Variants in SYTL3 observed in about 807,000 individuals in gnomAD.
SYTL3 encodes synaptotagmin like 3.
SYTL3 carries 88 observed loss-of-function variants against 82.1 expected under a neutral mutation model. The ratio of observed to expected loss-of-function variants is 1.07; its 90% CI spans 0.90 to 1.28. The LOEUF is 1.28. Among genes scored for constraint, SYTL3 ranks in the 50% most tolerant of loss-of-function variants. The pLI, the probability that SYTL3 is intolerant of heterozygous loss-of-function variation, is 0.00. For missense variants in SYTL3, 831 were observed against 757.6 expected (o/e 1.10, Z -1.14); for synonymous variants, 311 against 289.4 (o/e 1.07, Z -0.76).
intron 17 of SYTL3, among the ~76,000 whole-genome samples, chr6:158,764,101 C>T (rs2128558176): frequency 6.6e-6 from 1 of 152,344 alleles, no homozygotes; most frequent in South Asian, 2.1e-4. Context: ...ATATTTTGTC[C>T]AAAGCATACT....
chr6:158,701,481 G>A (rs547975005), intron 6 of SYTL3, among the ~76,000 whole-genome samples: 5 of 69,690 alleles, frequency 7.2e-5, no homozygotes, highest in African/African-American at 3.0e-4. Flanking sequence ...GGACTGTCTG[G>A]GGGGAGGAGC....
At chr6:158,680,575 CA>C (rs71297002) in intron 5 of SYTL3, among the ~76,000 whole-genome samples, 115 of 78,256 alleles carry the variant, frequency 1.5e-3, no homozygotes, top group Non-Finnish European at 1.9e-3. Context: ...CCCGTCTCTA[CA>C]AAAAAAAAAA....
At chr6:158,760,807 A>T in intron 15 of SYTL3, 62 bp downstream of exon 15, 1 of 1,327,420 alleles carries the variant, frequency 7.5e-7, no homozygotes, top group Non-Finnish European at 1.1e-6. Flanking sequence ...CTGGTGCTGC[A>T]GGCAGACTGA....
chr6:158,689,360 T>A (rs187405443), intron 6 of SYTL3, among the ~76,000 whole-genome samples: 31 of 152,362 alleles, frequency 2.0e-4, no homozygotes, highest in African/African-American at 7.0e-4. Flanking sequence ...CGTTTTGATT[T>A]GAATTCATCT....
intron 11 of SYTL3, among the ~76,000 whole-genome samples, chr6:158,741,132 A>G: frequency 6.6e-6 from 1 of 152,184 alleles, no homozygotes. Flanking sequence ...CAGTGGTGCC[A>G]TCTCAGCTCA....
intron 13 of SYTL3, among the ~76,000 whole-genome samples, chr6:158,754,211 G>A (rs1679947042): frequency 1.3e-5 from 2 of 152,174 alleles, no homozygotes; most frequent in South Asian, 4.1e-4. Flanking sequence ...TTTCTGAGCA[G>A]AGTACTTCTT....
At position 158,693,855 on chromosome 6, in the gene SYTL3, C is replaced by CTTTTCTTT. The variant is rs71030191; in HGVS notation, c.394+10870_394+10871insCTTTTTTT. On this transcript the variant is annotated intron_variant, in intron 6 of 17. Transcript: ENST00000611299. The stretch of plus-strand genomic sequence containing the variant: ...TGCATCCAGCCTTTCTTTTTCTTTT[C>CTTTTCTTT]TTTTTTTTTTTTTTTTTTGTAGATA... Among the ~76,000 whole-genome samples, 6 of 96,864 alleles carry CTTTTCTTT rather than the reference C, an allele frequency of 6.2e-5. 1 individual carries two copies. Among genetic ancestry groups the CTTTTCTTT allele is most frequent in the African/African-American group, 2.2e-4 (4 of 18,588 alleles). 63.5% of individuals were successfully genotyped at this position (96,864 alleles called of 152,430 possible).
intron 15 of SYTL3, among the ~76,000 whole-genome samples, chr6:158,761,224 A>G (rs561493594): frequency 2.6e-5 from 4 of 151,996 alleles, no homozygotes; most frequent in Non-Finnish European, 4.4e-5. Flanking sequence ...TACTCCTTCA[A>G]TAACGTGGGG....
At chr6:158,684,452 G>A (rs140520781) in intron 6 of SYTL3, among the ~76,000 whole-genome samples, 3 of 152,322 alleles carry the variant, frequency 2.0e-5, no homozygotes, top group African/African-American at 7.2e-5. Context: ...TCACAGAAGA[G>A]CTGTGATGGG....
upstream of SYTL3, among the ~76,000 whole-genome samples, chr6:158,645,838 C>T (rs1787410748): frequency 6.6e-6 from 1 of 152,164 alleles, no homozygotes; most frequent in Admixed American, 6.5e-5. Context: ...TCTTAGTGAT[C>T]TTTGGATGAC....
intron 5 of SYTL3, among the ~76,000 whole-genome samples, chr6:158,678,275 T>C (rs1451905056): frequency 6.6e-6 from 1 of 152,236 alleles, no homozygotes; most frequent in Non-Finnish European, 1.5e-5. Flanking sequence ...ACAGGAGATG[T>C]GCTTCTTTAG....
In SYTL3 at chr6:158,701,234, TGGG is replaced by T. The variant is rs1562393388; in HGVS notation, c.395-5994_395-5992del. 4.2e-3 allele frequency among the ~76,000 whole-genome samples: 115 copies of T among 27,440 alleles called. 27 individuals are homozygous for T. Among genetic ancestry groups the T allele is most frequent in the African/African-American group, 0.016 (35 of 2,200 alleles). 18.0% of individuals were successfully genotyped at this position (27,440 alleles called of 152,430 possible). A position where few individuals can be genotyped will look rare whatever the true frequency, so the allele number is the denominator to read the frequency against. On this transcript the variant is annotated intron_variant, in intron 6 of 17. Transcript: ENST00000611299. ...GGGGTGTAGATGAAGGAGTGTGAGC[TGGG>T]GTGTAGATGAAGGAGTGTGAGCTGG...
Position 158,764,559 on chromosome 6 carries a change from T to G in SYTL3, c.1788T>G (p.Leu596=). 1 of 1,614,122 alleles carries G rather than the reference T, an allele frequency of 6.2e-7. No homozygotes were observed. Among genetic ancestry groups the G allele is most frequent in the Non-Finnish European group, 8.5e-7 (1 of 1,179,994 alleles). ...SLSKLQWQKV[L]SSPNLWTDMT... is the part of the protein sequence containing the mutation. ...CGAAGCTCCAGTGGCAGAAAGTCCT[T>G]TCCAGCCCCAATCTATGGACAGACA... Residue 596 remains leucine, a synonymous_variant, in exon 18 of 18, where the codon CTT becomes CTG. Coordinates refer to ENST00000611299, the MANE Select transcript of SYTL3 (RefSeq NM_001242394.2).
At chr6:158,696,525 A>G (rs1780579799) in intron 6 of SYTL3, among the ~76,000 whole-genome samples, 1 of 151,780 alleles carries the variant, frequency 6.6e-6, no homozygotes, top group Non-Finnish European at 1.5e-5. Context: ...TATAACACTT[A>G]TTTTATATTT....
intron 5 of SYTL3, 46 bp downstream of exon 5, chr6:158,665,659 G>C (rs748603206): frequency 7.0e-7 from 1 of 1,421,294 alleles, no homozygotes; most frequent in Non-Finnish European, 9.5e-7. Context: ...TTCAGGTCTC[G>C]GAGGAGGCCT....
intron 13 of SYTL3, among the ~76,000 whole-genome samples, chr6:158,756,939 T>C (rs1789186261): frequency 6.6e-6 from 1 of 151,138 alleles, no homozygotes; most frequent in African/African-American, 2.4e-5. Context: ...CCCTTGCCTG[T>C]CCCCAGGCAG....
At chr6:158,689,616 A>G (rs1779644802) in intron 6 of SYTL3, among the ~76,000 whole-genome samples, 2 of 151,218 alleles carry the variant, frequency 1.3e-5, no homozygotes, top group Non-Finnish European at 1.5e-5. Flanking sequence ...GATAGGTTAA[A>G]TATCCACATT....
At chr6:158,706,441 G>A (rs1405474996) in intron 6 of SYTL3, among the ~76,000 whole-genome samples, 1 of 152,098 alleles carries the variant, frequency 6.6e-6, no homozygotes, top group East Asian at 1.9e-4. Context: ...GGTTTTTTTG[G>A]AATGGCTGAA....
At chr6:158,689,503 T>C (rs1779631885) in intron 6 of SYTL3, among the ~76,000 whole-genome samples, 1 of 152,220 alleles carries the variant, frequency 6.6e-6, no homozygotes, top group Admixed American at 6.5e-5. Context: ...CTTTATAATT[T>C]TGTTTTTAAC....
Sources: allele counts gnomAD v4.1 joint callset (sites outside exome capture counted in the v4.1 genomes callset), GRCh38; gene constraint gnomAD v4.1.1; transcripts MANE v1.5; gene names NCBI Gene and HGNC (gene_info 2026-07-23, HGNC 2026-07-21).